The following TACR3 variants were observed in gnomAD, a reference collection of about 807,000 sequenced individuals.
The protein encoded by TACR3 is neuromedin-K receptor.
Under a neutral mutation model 35.0 loss-of-function variants are expected in TACR3, and 34 were observed. The observed-to-expected ratio is 0.97, with a 90% CI of 0.74 to 1.30. The LOEUF (loss-of-function observed/expected upper bound fraction) is 1.30. Ranked by LOEUF, TACR3 falls within the 50% of genes most tolerant of loss-of-function variation. The pLI, the probability that TACR3 is intolerant of heterozygous loss-of-function variation, is 0.00. For synonymous variants in TACR3, 233 were observed against 221.1 expected (o/e 1.05, Z -0.48); for missense variants, 558 against 591.7 (o/e 0.94, Z 0.59).
At chr4:103,704,467 C>T (rs1722741044) in intron 1 of TACR3, among the ~76,000 whole-genome samples, 1 of 152,172 alleles carries the variant, frequency 6.6e-6, no homozygotes, top group South Asian at 2.1e-4. Context: ...CACAGTTCTG[C>T]ATGGCCAGGG....
intron 1 of TACR3, among the ~76,000 whole-genome samples, chr4:103,686,281 A>AT (rs1213204369): frequency 6.6e-6 from 1 of 152,196 alleles, no homozygotes. Flanking sequence ...AAGCATTCCC[A>AT]TGACACAGAT....
intron 1 of TACR3, among the ~76,000 whole-genome samples, chr4:103,690,437 A>T (rs1358309800): frequency 6.6e-6 from 1 of 152,148 alleles, no homozygotes; most frequent in Non-Finnish European, 1.5e-5. Context: ...TTAGAAAGAG[A>T]TACAGACACA....
At chr4:103,596,063 C>G (rs1436895296) in intron 3 of TACR3, among the ~76,000 whole-genome samples, 2 of 150,854 alleles carry the variant, frequency 1.3e-5, no homozygotes, top group African/African-American at 4.9e-5. Flanking sequence ...ATCCATGTCC[C>G]TACAAAGGAC....
chr4:103,588,281 AAGG>A lies in TACR3; in HGVS notation c.*1398_*1400del, dbSNP rs1280363610. 2.6e-5 allele frequency: 4 copies of A among 152,152 alleles called. No homozygotes were observed. The highest frequency in any genetic ancestry group is 9.6e-5 in the African/African-American group (4 of 41,466). 9.4% of individuals were successfully genotyped at this position (152,152 alleles called of 1,614,324 possible). On this transcript the variant is annotated 3_prime_UTR_variant, in exon 5 of 5. Coordinates refer to ENST00000304883, the MANE Select transcript of TACR3 (RefSeq NM_001059.3). ...TTTAAAAATCAAACTGAAGAGTTTA[AAGG>A]AGAAGTTTGTACTACACATTCACAT...
intron 3 of TACR3, among the ~76,000 whole-genome samples, chr4:103,626,221 A>G (rs933796767): frequency 1.3e-5 from 2 of 152,160 alleles, no homozygotes; most frequent in Non-Finnish European, 2.9e-5. Context: ...ACCTAGGTAG[A>G]TCCATGTTGA....
At chr4:103,716,008 G>A (rs1015956856) in intron 1 of TACR3, among the ~76,000 whole-genome samples, 1 of 152,164 alleles carries the variant, frequency 6.6e-6, no homozygotes, top group Non-Finnish European at 1.5e-5. Flanking sequence ...ATCACAACTT[G>A]TTAGGTGTCA....
chr4:103,619,838 A>G (rs1297932103), intron 3 of TACR3, among the ~76,000 whole-genome samples: 1 of 152,234 alleles, frequency 6.6e-6, no homozygotes, highest in Non-Finnish European at 1.5e-5. Flanking sequence ...ACTTGCAGAT[A>G]TTGAAACAGC....
At position 103,589,623 on chromosome 4, in the gene TACR3, G is replaced by A. The variant is rs1011541424; in HGVS notation, c.*59C>T. 2 of 1,594,308 alleles carry A rather than the reference G, an allele frequency of 1.3e-6. No individual in the cohort carries two copies. The highest frequency in any genetic ancestry group is 1.1e-5 in the South Asian group (1 of 90,456). On this transcript the variant is annotated 3_prime_UTR_variant, in exon 5 of 5. Coordinates refer to ENST00000304883, the MANE Select transcript of TACR3 (RefSeq NM_001059.3). ...GGACAGGACTGGTAAATAGGAGAAT[G>A]GGGTCCTAGACTGGCACCATGATGG...
At chr4:103,684,297 T>A (rs1722181815) in intron 1 of TACR3, among the ~76,000 whole-genome samples, 1 of 152,160 alleles carries the variant, frequency 6.6e-6, no homozygotes, top group Non-Finnish European at 1.5e-5. Flanking sequence ...AATAGAAGAT[T>A]GTCTATGTAG....
At chr4:103,636,743 T>C (rs1173155065) in intron 3 of TACR3, among the ~76,000 whole-genome samples, 1 of 152,032 alleles carries the variant, frequency 6.6e-6, no homozygotes, top group African/African-American at 2.4e-5. Context: ...CAATAAAAAA[T>C]GATAAAGGGG....
At chr4:103,624,762 G>T (rs1284356447) in intron 3 of TACR3, among the ~76,000 whole-genome samples, 1 of 152,110 alleles carries the variant, frequency 6.6e-6, no homozygotes, top group East Asian at 1.9e-4. Flanking sequence ...ATTCCCTTTT[G>T]ACTTGAAGGA....
At chr4:103,679,820 T>C (rs1213365243) in intron 1 of TACR3, among the ~76,000 whole-genome samples, 3 of 151,592 alleles carry the variant, frequency 2.0e-5, no homozygotes, top group Non-Finnish European at 3.0e-5. Flanking sequence ...GGCAGATAAA[T>C]AAAAGATTGG....
At chr4:103,639,363 T>C (rs1343894061) in intron 3 of TACR3, among the ~76,000 whole-genome samples, 1 of 152,098 alleles carries the variant, frequency 6.6e-6, no homozygotes, top group African/African-American at 2.4e-5. Flanking sequence ...ACACTGCATG[T>C]TCTCACTCAT....
chr4:103,693,021 A>G (rs972199946), intron 1 of TACR3, among the ~76,000 whole-genome samples: 1 of 152,238 alleles, frequency 6.6e-6, no homozygotes, highest in African/African-American at 2.4e-5. Context: ...AAGAATATAC[A>G]TAAGAAAATA....
chr4:103,601,003 C>T (rs1367117091), intron 3 of TACR3, among the ~76,000 whole-genome samples: 1 of 151,992 alleles, frequency 6.6e-6, no homozygotes, highest in Non-Finnish European at 1.5e-5. Context: ...GAGTTCAATT[C>T]TTGGGTATCT....
At chr4:103,664,309 A>G (rs545162334) in intron 1 of TACR3, among the ~76,000 whole-genome samples, 1 of 152,264 alleles carries the variant, frequency 6.6e-6, no homozygotes, top group South Asian at 2.1e-4. Flanking sequence ...TTTGGATGTA[A>G]CTTTTGTCTG....
chr4:103,671,524 A>T (rs1578251458), intron 1 of TACR3, among the ~76,000 whole-genome samples: 1 of 151,998 alleles, frequency 6.6e-6, no homozygotes, highest in Non-Finnish European at 1.5e-5. Context: ...AGGAGGTTGT[A>T]TGTATTCAAG....
chr4:103,591,424 A>T lies in TACR3; in HGVS notation c.1085+63T>A, dbSNP rs957134496. The stretch of plus-strand genomic sequence containing the variant: ...ATTTGAACCAAGAAAATGGAACAAC[A>T]TTGTATGTTTCCAGTGAAGGTGGGT... On this transcript the variant is annotated intron_variant, in intron 4 of 4. Transcript: ENST00000304883. 7.0e-5 allele frequency: 110 copies of T among 1,582,236 alleles called. 1 individual carries two copies. Among genetic ancestry groups the T allele is most frequent in the Non-Finnish European group, 5.6e-5 (64 of 1,152,264 alleles).
chr4:103,608,812 CA>C (rs1380091638), intron 3 of TACR3, among the ~76,000 whole-genome samples: 1 of 151,990 alleles, frequency 6.6e-6, no homozygotes, highest in Non-Finnish European at 1.5e-5. Flanking sequence ...GAGAGTATAT[CA>C]AATGGATTTG....
Sources: allele counts gnomAD v4.1 joint callset (sites outside exome capture counted in the v4.1 genomes callset), GRCh38; gene constraint gnomAD v4.1.1; transcripts MANE v1.5; gene names NCBI Gene and HGNC (gene_info 2026-07-23, HGNC 2026-07-21).